Variants in CNTNAP2 observed in about 807,000 individuals in gnomAD.
CNTNAP2 encodes the protein contactin associated protein 2, also known as contactin-associated protein-like 2.
CNTNAP2 carries 98 observed loss-of-function variants against 155.2 expected under a neutral mutation model. The ratio of observed to expected loss-of-function variants is 0.63; its 90% CI spans 0.54 to 0.75. The LOEUF is 0.75. CNTNAP2 is among the 30% of genes least tolerant of loss of function. The probability of loss-of-function intolerance (pLI) is 0.00; values close to 1 mark genes in which losing one functional copy is unlikely to be tolerated. For missense variants in CNTNAP2, 1,727 were observed against 1,688.1 expected, an observed-to-expected ratio of 1.02 and a Z score of -0.40; for synonymous variants, 651 against 631.2, an observed-to-expected ratio of 1.03 and a Z score of -0.47.
chr7:146,151,654 A>ACG (rs1798044140), intron 1 of CNTNAP2, among the ~76,000 whole-genome samples: 2 of 32,314 alleles, frequency 6.2e-5, no homozygotes, highest in African/African-American at 2.1e-4. Flanking sequence ...ATATATATAT[A>ACG]TATATATATA....
chr7:146,544,115 T>G (rs533310028), intron 1 of CNTNAP2, among the ~76,000 whole-genome samples: 148 of 152,140 alleles, frequency 9.7e-4, no homozygotes, highest in South Asian at 1.7e-3. Flanking sequence ...GGGACAATTC[T>G]GAGTGATAAT....
intron 13 of CNTNAP2, among the ~76,000 whole-genome samples, chr7:147,642,889 A>C (rs1795303819): frequency 6.6e-6 from 1 of 152,186 alleles, no homozygotes; most frequent in Non-Finnish European, 1.5e-5. Flanking sequence ...ATTTGTACTT[A>C]ACAAATGTTT....
chr7:146,553,639 A>G (rs969553967), intron 1 of CNTNAP2, among the ~76,000 whole-genome samples: 4 of 152,152 alleles, frequency 2.6e-5, no homozygotes, highest in Non-Finnish European at 4.4e-5. Context: ...AATTTCATTT[A>G]CATTTGAAAG....
intron 3 of CNTNAP2, among the ~76,000 whole-genome samples, chr7:146,870,700 G>C (rs1585130842): frequency 6.6e-6 from 1 of 152,022 alleles, no homozygotes; most frequent in Non-Finnish European, 1.5e-5. Flanking sequence ...CTTTAAAGTT[G>C]TTTTCTCTAA....
chr7:146,477,907 A>G (rs1158555207), intron 1 of CNTNAP2, among the ~76,000 whole-genome samples: 1 of 152,178 alleles, frequency 6.6e-6, no homozygotes, highest in Non-Finnish European at 1.5e-5. Flanking sequence ...AAATTATTGT[A>G]TGCATTCTAC....
intron 4 of CNTNAP2, among the ~76,000 whole-genome samples, chr7:147,070,349 G>A (rs572314242): frequency 1.8e-4 from 28 of 152,240 alleles, no homozygotes; most frequent in East Asian, 5.8e-4. Flanking sequence ...ATTGCCTGTC[G>A]GGGAAAAATG....
At chr7:146,375,275 T>A (rs1226658297) in intron 1 of CNTNAP2, among the ~76,000 whole-genome samples, 1 of 152,234 alleles carries the variant, frequency 6.6e-6, no homozygotes, top group Non-Finnish European at 1.5e-5. Flanking sequence ...TCTGCACTAC[T>A]GTCACCAGTC....
intron 1 of CNTNAP2, among the ~76,000 whole-genome samples, chr7:146,525,545 T>TATCTATC (rs1797676353): frequency 7.0e-6 from 1 of 143,032 alleles, no homozygotes; most frequent in Admixed American, 6.8e-5. Context: ...TCTATCTATC[T>TATCTATC]ATCTATCTAT....
intron 1 of CNTNAP2, among the ~76,000 whole-genome samples, chr7:146,341,588 T>C (rs1183547605): frequency 6.6e-6 from 1 of 152,250 alleles, no homozygotes; most frequent in East Asian, 1.9e-4. Context: ...CATAACATAG[T>C]AATAATGCTT....
intron 1 of CNTNAP2, among the ~76,000 whole-genome samples, chr7:146,392,177 T>C (rs114023727): frequency 0.023 from 3,568 of 152,218 alleles, 159 homozygotes; most frequent in African/African-American, 0.082. Flanking sequence ...TAAGCTTCAA[T>C]TTCCCAACTT....
At chr7:146,792,027 T>C (rs1263752414) in intron 2 of CNTNAP2, among the ~76,000 whole-genome samples, 1 of 152,180 alleles carries the variant, frequency 6.6e-6, no homozygotes, top group Non-Finnish European at 1.5e-5. Context: ...CATACTCAAC[T>C]GCGGGAATAA....
At chr7:147,453,809 A>G (rs879337666) in intron 10 of CNTNAP2, among the ~76,000 whole-genome samples, 2 of 152,176 alleles carry the variant, frequency 1.3e-5, no homozygotes, top group Non-Finnish European at 2.9e-5. Flanking sequence ...AATGCCACCA[A>G]AAGTTCTTTA....
At chr7:147,642,607 C>T (rs188662265) in intron 13 of CNTNAP2, among the ~76,000 whole-genome samples, 2 of 152,162 alleles carry the variant, frequency 1.3e-5, no homozygotes, top group South Asian at 2.1e-4. Context: ...CTGTTAGTTG[C>T]ATTTCCTAAT....
At chr7:146,661,657 G>A (rs1320460777) in intron 1 of CNTNAP2, among the ~76,000 whole-genome samples, 2 of 151,688 alleles carry the variant, frequency 1.3e-5, no homozygotes, top group Non-Finnish European at 2.9e-5. Flanking sequence ...TTATGTATGT[G>A]CCAGAGTTGT....
chr7:146,810,967 G>T (rs985247556), intron 2 of CNTNAP2, among the ~76,000 whole-genome samples: 1 of 152,070 alleles, frequency 6.6e-6, no homozygotes, highest in Non-Finnish European at 1.5e-5. Context: ...AACCATCCTT[G>T]CATCTCAAGG....
chr7:148,381,896 G>A (rs1235819124), intron 21 of CNTNAP2, among the ~76,000 whole-genome samples: 1 of 152,104 alleles, frequency 6.6e-6, no homozygotes, highest in Non-Finnish European at 1.5e-5. Context: ...ATTGGTCCCA[G>A]CCAAGGGTCT....
chr7:147,135,609 G>A (rs1176351971), intron 8 of CNTNAP2, among the ~76,000 whole-genome samples: 1 of 151,670 alleles, frequency 6.6e-6, no homozygotes, highest in Non-Finnish European at 1.5e-5. Flanking sequence ...AAACTCTGGG[G>A]AAGGTGGACC....
intron 1 of CNTNAP2, among the ~76,000 whole-genome samples, chr7:146,456,857 A>G (rs1796562580): frequency 6.6e-6 from 1 of 152,202 alleles, no homozygotes; most frequent in Non-Finnish European, 1.5e-5. Flanking sequence ...ATTTTGCTTT[A>G]ATGGGATAGA....
chr7:148,058,724 A>G (rs1260844956), intron 15 of CNTNAP2, among the ~76,000 whole-genome samples: 1 of 152,142 alleles, frequency 6.6e-6, no homozygotes, highest in Non-Finnish European at 1.5e-5. Context: ...AATAAATTGA[A>G]AATAGGAAGA....
Sources: gnomAD v4.1 joint callset for allele counts (sites outside exome capture counted in the v4.1 genomes callset) on GRCh38, gnomAD v4.1.1 for gene constraint, MANE v1.5 for transcripts, NCBI Gene and HGNC (gene_info 2026-07-23, HGNC 2026-07-21) for gene names.